The following DNAH14 variants were observed in gnomAD, a reference collection of about 807,000 sequenced individuals.
DNAH14 encodes axonemal beta dynein heavy chain 14.
Under a neutral mutation model 520.9 loss-of-function variants are expected in DNAH14, and 478 were observed. The observed-to-expected ratio is 0.92, with a 90% CI of 0.85 to 0.99. The LOEUF (loss-of-function observed/expected upper bound fraction) is 0.99. DNAH14 is among the 50% of genes least tolerant of loss of function. The pLI is 0.00. For synonymous variants in DNAH14, 1,581 were observed against 1,757.2 expected (o/e 0.90, Z 2.51); for missense variants, 4,831 against 5,234.5 (o/e 0.92, Z 2.38).
chr1:225,126,481 T>A (rs1259838743), intron 27 of DNAH14, among the ~76,000 whole-genome samples: 1 of 152,230 alleles, frequency 6.6e-6, no homozygotes, highest in Non-Finnish European at 1.5e-5. Context: ...CTAGATTTTC[T>A]AGTTTATTTG....
intron 41 of DNAH14, among the ~76,000 whole-genome samples, chr1:225,230,308 C>T (rs1231332061): frequency 2.6e-5 from 4 of 152,012 alleles, no homozygotes; most frequent in Non-Finnish European, 4.4e-5. Context: ...GCAGAATCAG[C>T]ACTCAACTCT....
intron 77 of DNAH14, 50 bp from the exon 78 acceptor site, chr1:225,374,638 T>A (rs2150694631): frequency 1.4e-6 from 2 of 1,420,882 alleles, no homozygotes; most frequent in East Asian, 5.0e-5. Flanking sequence ...TCAGAGTGAG[T>A]AAGCTGGAAA....
intron 10 of DNAH14, among the ~76,000 whole-genome samples, chr1:225,020,798 C>T (rs868540134): frequency 2.6e-5 from 4 of 152,110 alleles, no homozygotes; most frequent in South Asian, 2.1e-4. Context: ...AGGACTCCTC[C>T]GTAACTTATT....
chr1:225,144,796 A>G (rs151246430), intron 29 of DNAH14, among the ~76,000 whole-genome samples, 168 bp downstream of exon 29: 7 of 152,244 alleles, frequency 4.6e-5, no homozygotes, highest in Middle Eastern at 3.4e-3. Flanking sequence ...TTGAATGCCT[A>G]TTGTGTGCTG....
chr1:225,050,789 C>G (rs113734518), intron 16 of DNAH14, among the ~76,000 whole-genome samples: 33 of 152,250 alleles, frequency 2.2e-4, no homozygotes, highest in Non-Finnish European at 4.3e-4. Flanking sequence ...TACCAGTGGC[C>G]CTTAACCCTT....
At chr1:225,391,419 C>T (rs2095911211) in intron 83 of DNAH14, among the ~76,000 whole-genome samples, 1 of 152,142 alleles carries the variant, frequency 6.6e-6, no homozygotes, top group Non-Finnish European at 1.5e-5. Flanking sequence ...CTGCAGTGAG[C>T]CATGATCATG....
At position 225,322,694 on chromosome 1, in the gene DNAH14, G is replaced by C; in HGVS notation, c.9366G>C (p.Leu3122=). 6.5e-7 allele frequency: 1 copy of C among 1,548,416 alleles called. No individual in the cohort carries two copies. Among genetic ancestry groups the C allele is most frequent in the Non-Finnish European group, 8.7e-7 (1 of 1,144,428 alleles). Residue 3122 remains leucine, a synonymous_variant, in exon 62 of 86, where the codon CTG becomes CTC. Coordinates refer to ENST00000682510, the MANE Select transcript of DNAH14 (RefSeq NM_001367479.1). ...ACACACGGCCTCCCTTCCTTGTACT[G>C]ACTGTCATGAATGCAGTGTGTATTC... ...RVYTRPPFLV[L]TVMNAVCILL... is the part of the protein sequence containing the mutation.
chr1:225,236,134 A>T (rs1433364651), intron 42 of DNAH14, among the ~76,000 whole-genome samples: 2 of 151,794 alleles, frequency 1.3e-5, no homozygotes, highest in African/African-American at 4.8e-5. Context: ...GTGTGTTGAG[A>T]TCTTTCTAGC....
chr1:225,070,912 T>C (rs555232246), intron 17 of DNAH14, among the ~76,000 whole-genome samples: 1 of 152,368 alleles, frequency 6.6e-6, no homozygotes, highest in African/African-American at 2.4e-5. Flanking sequence ...TCTTGTTGAA[T>C]TGAACCCTTT....
At chr1:225,213,592 G>C (rs559885432) in intron 41 of DNAH14, among the ~76,000 whole-genome samples, 488 of 152,212 alleles carry the variant, frequency 3.2e-3, no homozygotes, top group Non-Finnish European at 4.3e-3. Flanking sequence ...TTGAGCAGTG[G>C]TTTCTAATTC....
At chr1:225,179,264 T>C (rs2083693323) in intron 36 of DNAH14, among the ~76,000 whole-genome samples, 1 of 152,230 alleles carries the variant, frequency 6.6e-6, no homozygotes, top group African/African-American at 2.4e-5. Flanking sequence ...TTGTTACTTA[T>C]TTTCTGGTTG....
chr1:225,118,230 A>G (rs1288069615), intron 25 of DNAH14: 5 of 545,712 alleles, frequency 9.2e-6, no homozygotes, highest in Non-Finnish European at 1.6e-5. Flanking sequence ...GTGCATTCTA[A>G]TTTGCACTTA....
Position 225,337,232 on chromosome 1 carries a change from C to T in DNAH14, c.10081-34C>T, listed in dbSNP as rs770510721. 13 of 1,512,896 alleles carry T rather than the reference C, an allele frequency of 8.6e-6. No individual in the cohort carries two copies. The South Asian group carries it at 1.6e-4, about 18-fold the overall frequency. The allele number at this position is 1,512,896 out of a possible 1,614,324, so 93.7% of individuals were successfully genotyped here. On this transcript the variant is annotated intron_variant, in intron 66 of 85. Transcript: ENST00000682510. ...GATACTAAAGATGTGAAGACATTTACAAAATAGTGAAAGTACTAATAATTT... is the reference window on the plus strand; with the variant it reads ...GATACTAAAGATGTGAAGACATTTATAAAATAGTGAAAGTACTAATAATTT...
chr1:225,100,522 T>C (rs1273595113), intron 22 of DNAH14, among the ~76,000 whole-genome samples, 191 bp from the exon 23 acceptor site: 3 of 152,204 alleles, frequency 2.0e-5, no homozygotes, highest in Non-Finnish European at 4.4e-5. Flanking sequence ...GTGTCTAATT[T>C]ATCCATTTCT....
chr1:225,050,111 C>G (rs966913130), intron 15 of DNAH14, 99 bp from the exon 16 acceptor site: 5 of 992,372 alleles, frequency 5.0e-6, no homozygotes, highest in Non-Finnish European at 7.1e-6. Flanking sequence ...CATAATAAAT[C>G]AGCCCCCATT....
chr1:225,244,663 T>C (rs987116381), intron 43 of DNAH14, among the ~76,000 whole-genome samples: 1 of 152,192 alleles, frequency 6.6e-6, no homozygotes, highest in Non-Finnish European at 1.5e-5. Flanking sequence ...TAATCTCTGA[T>C]GGTAGTTTGT....
In DNAH14 at chr1:225,273,158, T is replaced by G. The variant is rs748089331; in HGVS notation, c.8010+33T>G. 52 of 1,527,654 alleles carry G rather than the reference T, an allele frequency of 3.4e-5. No individual in the cohort carries two copies. In the East Asian group the frequency reaches 1.2e-3, roughly 35 times the overall value. 94.6% of individuals were successfully genotyped at this position (1,527,654 alleles called of 1,614,324 possible). Reference sequence around the variant, plus strand: ...TATATTTTAAAAATTATTGGCCGGGTGTGGTGGCTTACGCCTGTAATCCCA... The same window carrying G: ...TATATTTTAAAAATTATTGGCCGGGGGTGGTGGCTTACGCCTGTAATCCCA... On this transcript the variant is annotated intron_variant, in intron 52 of 85. Transcript: ENST00000682510.
chr1:225,095,461 A>G (rs1362032713), intron 21 of DNAH14, among the ~76,000 whole-genome samples: 2 of 152,174 alleles, frequency 1.3e-5, no homozygotes, highest in East Asian at 3.9e-4. Context: ...GTACACATGG[A>G]CACGAAGAAT....
chr1:225,025,994 G>A (rs1356735056), intron 11 of DNAH14, among the ~76,000 whole-genome samples: 2 of 151,756 alleles, frequency 1.3e-5, no homozygotes, highest in African/African-American at 2.4e-5. Flanking sequence ...TTTAAATTGT[G>A]TTAGTTAATT....
Sources: gnomAD v4.1 joint callset for allele counts (sites outside exome capture counted in the v4.1 genomes callset) on GRCh38, gnomAD v4.1.1 for gene constraint, MANE v1.5 for transcripts, NCBI Gene and HGNC (gene_info 2026-07-23, HGNC 2026-07-21) for gene names.